Variants in CTNNA2 observed in about 807,000 individuals in gnomAD.
The protein encoded by CTNNA2 is catenin alpha 2.
In CTNNA2, 42 loss-of-function variants were observed where a neutral mutation model predicts 101.0. That is an observed-to-expected ratio of 0.42 (90% confidence interval 0.32 to 0.54). The LOEUF is 0.54. CTNNA2 is among the 20% of genes least tolerant of loss of function. CTNNA2 has a pLI of 0.14. For missense variants in CTNNA2, 871 were observed against 1,223.1 expected (o/e 0.71, Z 4.29); for synonymous variants, 450 against 456.4 (o/e 0.99, Z 0.18).
At chr2:79,442,543 A>C (rs551533017) in intron 4 of CTNNA2, among the ~76,000 whole-genome samples, 1 of 152,316 alleles carries the variant, frequency 6.6e-6, no homozygotes, top group South Asian at 2.1e-4. Flanking sequence ...TAGCCTTTCT[A>C]AATCCTTCTT....
intron 8 of CTNNA2, among the ~76,000 whole-genome samples, chr2:80,418,554 G>A (rs1680235375): frequency 6.6e-6 from 1 of 152,164 alleles, no homozygotes; most frequent in Admixed American, 6.5e-5. Context: ...AAGGAATTGA[G>A]ATTTGTTCTT....
At chr2:80,324,302 T>C (rs1206357422) in intron 7 of CTNNA2, among the ~76,000 whole-genome samples, 1 of 152,180 alleles carries the variant, frequency 6.6e-6, no homozygotes, top group African/African-American at 2.4e-5. Flanking sequence ...GCTCGCAGTG[T>C]GAGGCACTTT....
Position 80,302,388 on chromosome 2 carries a change from G to T in CTNNA2, c.1057-90823G>T, listed in dbSNP as rs374753761. 1.2e-6 allele frequency: 2 copies of T among 1,614,142 alleles called. No individual in the cohort carries two copies. The highest frequency in any genetic ancestry group is 1.3e-5 in the African/African-American group (1 of 74,948). ...TGGGCAGACATGGCAGCCATCTGAT[G>T]CATGGTCTGTTTCTGCTTTTGCTTC... On this transcript the variant is annotated intron_variant, in intron 7 of 18. Transcript: ENST00000402739. This position sits in a 1 kb window ranked among gnomAD's most constrained non-coding sequence, Gnocchi z 6.4.
chr2:80,412,930 T>C (rs1170972142), intron 8 of CTNNA2, among the ~76,000 whole-genome samples: 2 of 152,164 alleles, frequency 1.3e-5, no homozygotes, highest in African/African-American at 4.8e-5. Context: ...CATCATGGTG[T>C]CCAACGTCCA....
At chr2:80,564,979 G>A (rs1693925429) in intron 12 of CTNNA2, among the ~76,000 whole-genome samples, 1 of 152,164 alleles carries the variant, frequency 6.6e-6, no homozygotes, top group African/African-American at 2.4e-5. Flanking sequence ...CATTGCCTCT[G>A]CTACATTTTA....
At chr2:80,381,676 G>C (rs1476676711) in intron 7 of CTNNA2, among the ~76,000 whole-genome samples, 1 of 152,130 alleles carries the variant, frequency 6.6e-6, no homozygotes, top group Admixed American at 6.5e-5. Flanking sequence ...AAGAGTCCTT[G>C]GTGCTCCCAA....
intron 7 of CTNNA2, among the ~76,000 whole-genome samples, chr2:79,956,842 G>GTTTTTTT (rs1558673387): frequency 7.8e-5 from 5 of 64,398 alleles, no homozygotes; most frequent in African/African-American, 3.5e-4. Context: ...AATACGTGTG[G>GTTTTTTT]GTTTTTTTTT....
At chr2:80,497,873 A>C (rs1381121916) in intron 9 of CTNNA2, among the ~76,000 whole-genome samples, 1 of 152,056 alleles carries the variant, frequency 6.6e-6, no homozygotes, top group Non-Finnish European at 1.5e-5. Flanking sequence ...TCTGCCAACA[A>C]CCAGTGAGCT....
intron 7 of CTNNA2, among the ~76,000 whole-genome samples, chr2:80,152,129 A>G (rs554251233): frequency 1.3e-5 from 2 of 152,316 alleles, no homozygotes; most frequent in South Asian, 2.1e-4. Context: ...TGGGATATGT[A>G]TATATATTTC....
chr2:80,500,362 A>G (rs1402958369), intron 9 of CTNNA2, among the ~76,000 whole-genome samples: 2 of 152,008 alleles, frequency 1.3e-5, no homozygotes. Context: ...TTACCCATCC[A>G]TCTATTATCC....
chr2:80,484,817 T>C (rs1007188895), intron 9 of CTNNA2, among the ~76,000 whole-genome samples: 2 of 152,076 alleles, frequency 1.3e-5, no homozygotes, highest in Non-Finnish European at 2.9e-5. Context: ...CCATCCTGGC[T>C]ACCACGGTGA....
At chr2:80,135,544 G>A (rs926782144) in intron 7 of CTNNA2, among the ~76,000 whole-genome samples, 2 of 152,178 alleles carry the variant, frequency 1.3e-5, no homozygotes, top group African/African-American at 2.4e-5. Flanking sequence ...CTCTCAGGGT[G>A]CAGGGAAGCA....
At chr2:79,965,085 T>G (rs993702627) in intron 7 of CTNNA2, among the ~76,000 whole-genome samples, 1 of 152,210 alleles carries the variant, frequency 6.6e-6, no homozygotes, top group Non-Finnish European at 1.5e-5. Context: ...CCAAGAATTT[T>G]TCTCTCTGTT....
chr2:80,619,058 C>A (rs184936238), intron 17 of CTNNA2, 27 bp from the exon 18 acceptor site: 4 of 1,363,482 alleles, frequency 2.9e-6, no homozygotes, highest in East Asian at 2.8e-5. Context: ...CTCTCATTCT[C>A]TCTTTTCTGT....
chr2:79,817,316 CTTTTTTTTTTTTTT>C (rs550422225), intron 3 of CTNNA2, among the ~76,000 whole-genome samples: 31 of 73,892 alleles, frequency 4.2e-4, no homozygotes, highest in East Asian at 2.0e-3. Flanking sequence ...TTCTCTCTCA[CTTTTTTTTTTTTTT>C]TTTTTTTTTT....
intron 7 of CTNNA2, among the ~76,000 whole-genome samples, chr2:80,035,660 C>G (rs1695600317): frequency 6.6e-6 from 1 of 152,084 alleles, no homozygotes; most frequent in Non-Finnish European, 1.5e-5. Flanking sequence ...AAGGCTCCAT[C>G]TGAAATCAAG....
In CTNNA2 at chr2:79,618,786, G is replaced by A. The variant is rs552288320; in HGVS notation, c.-5-32766G>A. ...TAAGTTGTTGAGAGAAAATGGAGTAGGAGTACATGTAAGGCCCCATCTCCA... is the reference window on the plus strand; with the variant it reads ...TAAGTTGTTGAGAGAAAATGGAGTAAGAGTACATGTAAGGCCCCATCTCCA... On this transcript the variant is annotated intron_variant, in intron 1 of 18. Coordinates refer to ENST00000402739, the MANE Select transcript of CTNNA2 (RefSeq NM_001282597.3). 4.5e-4 allele frequency among the ~76,000 whole-genome samples: 69 copies of A among 152,346 alleles called. No individual in the cohort carries two copies. The South Asian group carries it at 0.013, about 28-fold the overall frequency.
intron 2 of CTNNA2, among the ~76,000 whole-genome samples, chr2:79,241,884 A>ACTTTC (rs1674629837): frequency 6.7e-6 from 1 of 149,124 alleles, no homozygotes. Context: ...ACATTTGGGT[A>ACTTTC]TTTTCTTTTC....
intron 1 of CTNNA2, among the ~76,000 whole-genome samples, chr2:79,623,228 T>C (rs1012317632): frequency 1.3e-5 from 2 of 152,194 alleles, no homozygotes; most frequent in African/African-American, 4.8e-5. Context: ...ACCTTGTATA[T>C]GTTATTTGCC....
Sources: allele counts gnomAD v4.1 joint callset (sites outside exome capture counted in the v4.1 genomes callset), GRCh38; gene constraint gnomAD v4.1.1; non-coding constraint Gnocchi (gnomAD v3.1); transcripts MANE v1.5; gene names NCBI Gene and HGNC (gene_info 2026-07-23, HGNC 2026-07-21).